Variants in NRG3 observed in about 807,000 individuals in gnomAD.
The protein encoded by NRG3 is neuregulin 3.
Under a neutral mutation model 66.9 loss-of-function variants are expected in NRG3, and 31 were observed. The ratio of observed to expected loss-of-function variants is 0.46; its 90% CI spans 0.35 to 0.63. The LOEUF (loss-of-function observed/expected upper bound fraction) is 0.63. Ranked by LOEUF, NRG3 falls within the 20% of genes least tolerant of loss-of-function variation. The pLI, the probability that NRG3 is intolerant of heterozygous loss-of-function variation, is 0.00. For missense variants in NRG3, 910 were observed against 878.9 expected, an observed-to-expected ratio of 1.04 and a Z score of -0.45; for synonymous variants, 393 against 359.4, an observed-to-expected ratio of 1.09 and a Z score of -1.06.
intron 3 of NRG3, among the ~76,000 whole-genome samples, chr10:82,820,022 C>T (rs1443649658): frequency 6.6e-6 from 1 of 152,078 alleles, no homozygotes; most frequent in Non-Finnish European, 1.5e-5. Context: ...CAGATGGGTC[C>T]GGAAATGCAC....
intron 1 of NRG3, among the ~76,000 whole-genome samples, chr10:81,931,005 C>T (rs1847292981): frequency 6.6e-6 from 1 of 152,166 alleles, no homozygotes; most frequent in Non-Finnish European, 1.5e-5. Context: ...GCTGGTTAAA[C>T]TTCTATAGTC....
intron 2 of NRG3, among the ~76,000 whole-genome samples, chr10:82,493,268 G>A (rs1843315383): frequency 6.6e-6 from 1 of 152,042 alleles, no homozygotes; most frequent in Admixed American, 6.6e-5. Context: ...TTTTCCTAAT[G>A]CTCTCCCTAC....
chr10:82,477,516 C>T (rs1231752358), intron 2 of NRG3, among the ~76,000 whole-genome samples: 2 of 152,134 alleles, frequency 1.3e-5, no homozygotes, highest in African/African-American at 2.4e-5. Context: ...AGAGCCCATG[C>T]CCTTGACCAC....
At chr10:82,399,451 T>G (rs2086931722) in intron 2 of NRG3, among the ~76,000 whole-genome samples, 1 of 152,206 alleles carries the variant, frequency 6.6e-6, no homozygotes, top group African/African-American at 2.4e-5. Context: ...AGCTGCTATC[T>G]CAGAATATTA....
chr10:82,052,337 G>A (rs2063639234), intron 1 of NRG3, among the ~76,000 whole-genome samples: 1 of 152,090 alleles, frequency 6.6e-6, no homozygotes. Context: ...AAGGGGAACA[G>A]TAGCCCATGG....
intron 1 of NRG3, among the ~76,000 whole-genome samples, chr10:82,213,018 C>T (rs994366665): frequency 3.9e-5 from 6 of 152,066 alleles, no homozygotes; most frequent in African/African-American, 1.4e-4. Context: ...TTTCGGTTCC[C>T]AGGAACAAGA....
At chr10:82,635,061 G>A (rs763404674) in intron 2 of NRG3, among the ~76,000 whole-genome samples, 8 of 152,090 alleles carry the variant, frequency 5.3e-5, no homozygotes, top group East Asian at 3.9e-4. Context: ...TTATAAAGGC[G>A]ATCATAAAAT....
chr10:82,603,029 A>G (rs1590838022), intron 2 of NRG3, among the ~76,000 whole-genome samples: 1 of 152,204 alleles, frequency 6.6e-6, no homozygotes. Context: ...AAATTGGTAA[A>G]TGTAACTAGC....
At chr10:82,383,439 AT>A (rs1264422056) in intron 2 of NRG3, among the ~76,000 whole-genome samples, 1 of 151,648 alleles carries the variant, frequency 6.6e-6, no homozygotes, top group Non-Finnish European at 1.5e-5. Flanking sequence ...AAAAAAACAC[AT>A]TTTCTTTAGC....
At chr10:82,399,478 T>G (rs1239771475) in intron 2 of NRG3, among the ~76,000 whole-genome samples, 3 of 152,202 alleles carry the variant, frequency 2.0e-5, no homozygotes, top group Admixed American at 1.3e-4. Flanking sequence ...GGGTAGTTGA[T>G]GAACAATAGA....
chr10:82,729,453 A>G (rs75826609), intron 2 of NRG3, among the ~76,000 whole-genome samples: 1 of 151,926 alleles, frequency 6.6e-6, no homozygotes, highest in African/African-American at 2.4e-5. Flanking sequence ...ATTTTTTTTT[A>G]TACCAGATGT....
intron 1 of NRG3, among the ~76,000 whole-genome samples, chr10:82,027,550 A>G (rs966630119): frequency 6.6e-6 from 1 of 152,168 alleles, no homozygotes; most frequent in African/African-American, 2.4e-5. Flanking sequence ...GCATTAAAGC[A>G]TAATATGAGG....
intron 2 of NRG3, among the ~76,000 whole-genome samples, chr10:82,571,327 T>C (rs1336184431): frequency 5.3e-5 from 8 of 151,602 alleles, no homozygotes; most frequent in Admixed American, 5.3e-4. Flanking sequence ...GAAAAAATGT[T>C]TTCCCTCGCA....
At chr10:82,713,802 A>G (rs1290115429) in intron 2 of NRG3, among the ~76,000 whole-genome samples, 1 of 152,166 alleles carries the variant, frequency 6.6e-6, no homozygotes, top group Non-Finnish European at 1.5e-5. Flanking sequence ...CTCTCCCTCA[A>G]TTATGGAAAC....
intron 3 of NRG3, among the ~76,000 whole-genome samples, chr10:82,749,789 GAA>G (rs575504995): frequency 1.7e-4 from 20 of 119,172 alleles, no homozygotes; most frequent in African/African-American, 3.3e-4. Context: ...AGGAAGCACT[GAA>G]AAAAAAAAAA....
At chr10:81,989,195 A>T (rs1024393494) in intron 1 of NRG3, among the ~76,000 whole-genome samples, 5 of 152,148 alleles carry the variant, frequency 3.3e-5, no homozygotes, top group African/African-American at 1.2e-4. Flanking sequence ...TCGAGTACGG[A>T]GAGTTTTTTT....
intron 4 of NRG3, among the ~76,000 whole-genome samples, chr10:82,890,124 T>C (rs895971673): frequency 7.7e-6 from 1 of 129,126 alleles, no homozygotes; most frequent in African/African-American, 3.1e-5. Flanking sequence ...GATGATCTGC[T>C]AAGTTTTTTT....
At chr10:82,105,401 T>C (rs1156735843) in intron 1 of NRG3, among the ~76,000 whole-genome samples, 1 of 152,128 alleles carries the variant, frequency 6.6e-6, no homozygotes, top group Non-Finnish European at 1.5e-5. Context: ...CTAACTTGAG[T>C]TTGAGTAGTA....
chr10:81,978,173 C>T (rs548788117), intron 1 of NRG3, among the ~76,000 whole-genome samples: 2 of 152,240 alleles, frequency 1.3e-5, no homozygotes, highest in South Asian at 4.2e-4. Context: ...CTCCCTATCC[C>T]TCTGTTCCCC....
Sources: gnomAD v4.1 joint callset for allele counts (sites outside exome capture counted in the v4.1 genomes callset) on GRCh38, gnomAD v4.1.1 for gene constraint, MANE v1.5 for transcripts, NCBI Gene and HGNC (gene_info 2026-07-23, HGNC 2026-07-21) for gene names.